Variants in CLVS2 observed in about 807,000 individuals in gnomAD.
CLVS2 encodes clavesin 2, also known as clavesin-2.
A neutral mutation model predicts 29.0 loss-of-function variants in CLVS2; 19 were observed. The observed-to-expected ratio is 0.66, with a 90% CI of 0.46 to 0.96. CLVS2 has a LOEUF of 0.96. Ranked by LOEUF, CLVS2 falls within the 40% of genes least tolerant of loss-of-function variation. The pLI is 0.00. For missense variants in CLVS2, 294 were observed against 404.1 expected (o/e 0.73, Z 2.34); for synonymous variants, 161 against 151.3 (o/e 1.06, Z -0.47).
intron 3 of CLVS2, 66 bp downstream of exon 3, chr6:123,011,225 G>A: frequency 8.1e-7 from 1 of 1,235,516 alleles, no homozygotes; most frequent in Non-Finnish European, 1.1e-6. Context: ...TAATGTGTTA[G>A]AATGAAAAAA....
At chr6:123,057,334 C>CTTTTTTTTTTTTTTTTTTTTTTTTT (rs71541220) in intron 5 of CLVS2, among the ~76,000 whole-genome samples, 1 of 83,698 alleles carries the variant, frequency 1.2e-5, no homozygotes, top group Non-Finnish European at 2.3e-5. Context: ...GGATGGTCTT[C>CTTTTTTTTTTTTTTTTTTTTTTTTT]TTTTTTTTTT....
intron 3 of CLVS2, among the ~76,000 whole-genome samples, chr6:123,040,767 CAAAAAAGAAA>C (rs754822870): frequency 3.3e-4 from 25 of 75,768 alleles, no homozygotes; most frequent in Non-Finnish European, 5.3e-4. Context: ...GACTCCGTCT[CAAAAAAGAAA>C]AGAAAAGAAA....
intron 4 of CLVS2, among the ~76,000 whole-genome samples, chr6:123,053,658 T>C (rs558447070): frequency 2.6e-4 from 39 of 151,972 alleles, no homozygotes; most frequent in African/African-American, 9.2e-4. Context: ...ATTCCTTGGG[T>C]GAATTTTGCT....
intron 2 of CLVS2, among the ~76,000 whole-genome samples, chr6:123,002,435 A>T (rs752963824): frequency 6.6e-6 from 1 of 152,136 alleles, no homozygotes; most frequent in Non-Finnish European, 1.5e-5. Flanking sequence ...AATTATGATT[A>T]TGCTTGCATT....
intron 3 of CLVS2, among the ~76,000 whole-genome samples, chr6:123,015,683 T>C (rs751153811): frequency 4.6e-5 from 7 of 152,104 alleles, no homozygotes; most frequent in Non-Finnish European, 8.8e-5. Context: ...CAATTCTAAC[T>C]AAAGATGTCA....
intron 3 of CLVS2, among the ~76,000 whole-genome samples, chr6:123,040,779 GAAA>G (rs1277438018): frequency 6.6e-6 from 1 of 151,320 alleles, no homozygotes; most frequent in African/African-American, 2.4e-5. Context: ...AAAAAGAAAA[GAAA>G]AGAAAAGAAA....
chr6:123,026,289 T>C (rs980329213), intron 3 of CLVS2, among the ~76,000 whole-genome samples: 3 of 152,176 alleles, frequency 2.0e-5, no homozygotes, highest in Non-Finnish European at 2.9e-5. Context: ...ATTTTCTTTT[T>C]TATTTTCTGC....
At chr6:123,015,282 G>A (rs1377670281) in intron 3 of CLVS2, among the ~76,000 whole-genome samples, 1 of 151,942 alleles carries the variant, frequency 6.6e-6, no homozygotes, top group Admixed American at 6.6e-5. Context: ...AATATAGGGA[G>A]GTTTGGGACA....
intron 3 of CLVS2, among the ~76,000 whole-genome samples, chr6:123,022,296 C>A (rs1273871721): frequency 6.6e-6 from 1 of 151,898 alleles, no homozygotes; most frequent in Non-Finnish European, 1.5e-5. Flanking sequence ...CATTTGGTTT[C>A]TAGTAGTGTT....
In CLVS2 at chr6:123,066,718, T is replaced by C. The variant is rs1772862479; in HGVS notation, c.*2957T>C. On this transcript the variant is annotated 3_prime_UTR_variant, in exon 6 of 6. Transcript: ENST00000275162. ...TCATGAAAATATACTCTAAGAAATA[T>C]GAAGAAGTGCCTCTTTGAAAATGGA... 6.6e-6 allele frequency: 1 copy of C among 151,792 alleles called. No homozygotes were observed. Among genetic ancestry groups the C allele is most frequent in the South Asian group, 2.1e-4 (1 of 4,836 alleles). 9.4% of individuals were successfully genotyped at this position (151,792 alleles called of 1,614,324 possible). A position where few individuals can be genotyped will look rare whatever the true frequency, so the allele number is the denominator to read the frequency against.
At chr6:123,019,642 A>G (rs1246554953) in intron 3 of CLVS2, among the ~76,000 whole-genome samples, 4 of 152,090 alleles carry the variant, frequency 2.6e-5, no homozygotes, top group Admixed American at 2.6e-4. Flanking sequence ...AAGAAAAAAA[A>G]GGTAAATTAT....
chr6:123,019,644 G>T (rs1774893238), intron 3 of CLVS2, among the ~76,000 whole-genome samples: 1 of 151,988 alleles, frequency 6.6e-6, no homozygotes, highest in African/African-American at 2.4e-5. Flanking sequence ...GAAAAAAAAG[G>T]TAAATTATTC....
chr6:123,020,137 G>T (rs1582649406), intron 3 of CLVS2, among the ~76,000 whole-genome samples: 2 of 152,010 alleles, frequency 1.3e-5, no homozygotes, highest in Admixed American at 1.3e-4. Flanking sequence ...CCTTGGTCTA[G>T]TCAAATTGAT....
At chr6:123,009,922 G>A (rs1408380803) in intron 2 of CLVS2, among the ~76,000 whole-genome samples, 2 of 151,958 alleles carry the variant, frequency 1.3e-5, no homozygotes, top group Non-Finnish European at 2.9e-5. Flanking sequence ...TCTCCCCTGA[G>A]TTTAGGATCC....
intron 3 of CLVS2, among the ~76,000 whole-genome samples, chr6:123,025,846 C>T (rs979997582): frequency 3.3e-5 from 5 of 152,086 alleles, no homozygotes; most frequent in Admixed American, 6.6e-5. Context: ...TCTCCCTCTG[C>T]CTAGTTTCTT....
At chr6:123,062,405 A>G in intron 5 of CLVS2, among the ~76,000 whole-genome samples, 1 of 151,894 alleles carries the variant, frequency 6.6e-6, no homozygotes, top group East Asian at 1.9e-4. Context: ...CTATTCTTAT[A>G]TTCATATCTT....
At chr6:123,050,366 A>G (rs1341989145) in intron 4 of CLVS2, among the ~76,000 whole-genome samples, 4 of 152,198 alleles carry the variant, frequency 2.6e-5, no homozygotes, top group Admixed American at 6.5e-5. Flanking sequence ...AGTGCTTTGC[A>G]TAAGTTAACT....
chr6:123,033,962 A>T (rs1481901209), intron 3 of CLVS2, among the ~76,000 whole-genome samples: 2 of 152,168 alleles, frequency 1.3e-5, no homozygotes, highest in African/African-American at 4.8e-5. Flanking sequence ...ACATGAAAAG[A>T]TGTTCAACAT....
intron 3 of CLVS2, among the ~76,000 whole-genome samples, chr6:123,029,907 T>G (rs1775058863): frequency 1.3e-5 from 2 of 152,164 alleles, no homozygotes; most frequent in Non-Finnish European, 2.9e-5. Context: ...GAAGCAGTTT[T>G]TGTCAAGAGC....
Sources: allele counts gnomAD v4.1 joint callset (sites outside exome capture counted in the v4.1 genomes callset), GRCh38; gene constraint gnomAD v4.1.1; transcripts MANE v1.5; gene names NCBI Gene and HGNC (gene_info 2026-07-23, HGNC 2026-07-21).